The following CTNNA2 variants were observed in gnomAD, a reference collection of about 807,000 sequenced individuals.
The protein encoded by CTNNA2 is catenin alpha 2.
CTNNA2 carries 42 observed loss-of-function variants against 101.0 expected under a neutral mutation model. That is an observed-to-expected ratio of 0.42 (90% confidence interval 0.32 to 0.54). The LOEUF (loss-of-function observed/expected upper bound fraction) is 0.54. Among genes scored for constraint, CTNNA2 ranks in the 20% least tolerant of loss-of-function variants. CTNNA2 has a pLI of 0.14. For synonymous variants in CTNNA2, 450 were observed against 456.4 expected (o/e 0.99, Z 0.18); for missense variants, 871 against 1,223.1 (o/e 0.71, Z 4.29).
intron 3 of CTNNA2, among the ~76,000 whole-genome samples, chr2:79,788,922 A>C (rs747453203): frequency 3.9e-5 from 6 of 152,212 alleles, no homozygotes; most frequent in Non-Finnish European, 5.9e-5. Flanking sequence ...CGAAATCATG[A>C]AGTTGTTTCT....
At chr2:80,473,176 G>A (rs904477337) in intron 9 of CTNNA2, among the ~76,000 whole-genome samples, 1 of 152,288 alleles carries the variant, frequency 6.6e-6, no homozygotes, top group Admixed American at 6.5e-5. Context: ...GTGTGGACTG[G>A]TGATAATGAC....
intron 2 of CTNNA2, among the ~76,000 whole-genome samples, chr2:79,698,291 C>G (rs1237310009): frequency 6.6e-6 from 1 of 151,886 alleles, no homozygotes; most frequent in East Asian, 1.9e-4. Flanking sequence ...GTTCATGTCT[C>G]CACAACTAAT....
intron 17 of CTNNA2, among the ~76,000 whole-genome samples, chr2:80,617,332 T>C (rs1414431285): frequency 6.6e-6 from 1 of 151,666 alleles, no homozygotes; most frequent in African/African-American, 2.4e-5. Context: ...AACTAGTCAA[T>C]GATCCAATAT....
At chr2:79,867,102 C>A (rs182356498) in intron 4 of CTNNA2, among the ~76,000 whole-genome samples, 56 of 152,222 alleles carry the variant, frequency 3.7e-4, no homozygotes, top group African/African-American at 1.3e-3. Context: ...TTGTTCAACT[C>A]GCAGTCCTGA....
intron 7 of CTNNA2, among the ~76,000 whole-genome samples, chr2:79,965,958 A>G (rs980037237): frequency 6.6e-6 from 1 of 152,026 alleles, no homozygotes; most frequent in Non-Finnish European, 1.5e-5. Context: ...AAAATAAAAT[A>G]ATTACTGGTG....
At chr2:79,704,912 AG>A (rs1296555058) in intron 2 of CTNNA2, among the ~76,000 whole-genome samples, 1 of 152,122 alleles carries the variant, frequency 6.6e-6, no homozygotes, top group Non-Finnish European at 1.5e-5. Context: ...ATATTTCTTT[AG>A]GAAAAAGTAT....
At chr2:80,627,254 A>C (rs1262850353) in intron 18 of CTNNA2, among the ~76,000 whole-genome samples, 2 of 152,132 alleles carry the variant, frequency 1.3e-5, no homozygotes, top group Non-Finnish European at 2.9e-5. Flanking sequence ...GCTAGGTCAA[A>C]TGGTATTTCT....
At chr2:80,200,300 A>C (rs1707120419) in intron 7 of CTNNA2, among the ~76,000 whole-genome samples, 1 of 152,150 alleles carries the variant, frequency 6.6e-6, no homozygotes, top group South Asian at 2.1e-4. Flanking sequence ...GCTTTAGACG[A>C]CTAGCTTAAA....
intron 4 of CTNNA2, among the ~76,000 whole-genome samples, chr2:79,465,244 C>T (rs1429160435): frequency 6.6e-6 from 1 of 152,100 alleles, no homozygotes; most frequent in Non-Finnish European, 1.5e-5. Context: ...ATAGGGAATC[C>T]TTTCTCCATT....
intron 2 of CTNNA2, among the ~76,000 whole-genome samples, chr2:79,295,898 TGTG>T (rs1254834534): frequency 6.6e-6 from 1 of 151,346 alleles, no homozygotes; most frequent in Non-Finnish European, 1.5e-5. Context: ...TCAACAAAAT[TGTG>T]GGGAAATTTT....
chr2:80,618,120 C>T (rs565234485), intron 17 of CTNNA2, among the ~76,000 whole-genome samples: 1 of 151,872 alleles, frequency 6.6e-6, no homozygotes, highest in South Asian at 2.1e-4. Flanking sequence ...AAAAAAAATA[C>T]TTTAGTGGTC....
intron 3 of CTNNA2, among the ~76,000 whole-genome samples, chr2:79,345,483 C>T (rs538844768): frequency 1.8e-4 from 28 of 152,242 alleles, no homozygotes; most frequent in African/African-American, 6.3e-4. Context: ...AGACAATGAC[C>T]TCTCCTTTAC....
rs115888665 is a variant in CTNNA2 at position 80,132,185 on chromosome 2, A to G, written c.1056+222388A>G. ...TGGAAGTGAAGACGTCTTAGCACGT[A>G]CTGTTAGCTAGAGCACTTTGGAGGA... On this transcript the variant is annotated intron_variant, in intron 7 of 18. Transcript: ENST00000402739. Among the ~76,000 whole-genome samples, 413 of 152,272 alleles carry G rather than the reference A, an allele frequency of 2.7e-3. 1 individual carries two copies. The highest frequency in any genetic ancestry group is 9.6e-3 in the African/African-American group (397 of 41,568).
intron 9 of CTNNA2, among the ~76,000 whole-genome samples, chr2:80,537,546 TA>T (rs1055518314): frequency 3.9e-5 from 6 of 152,074 alleles, no homozygotes; most frequent in Non-Finnish European, 7.4e-5. Context: ...ACCAACAGTG[TA>T]AAAGCGTTCC....
intron 3 of CTNNA2, among the ~76,000 whole-genome samples, chr2:79,323,111 T>A (rs1676661888): frequency 1.3e-5 from 2 of 152,132 alleles, no homozygotes; most frequent in African/African-American, 4.8e-5. Flanking sequence ...CCCCAGTATG[T>A]TTAGGCTCTT....
chr2:80,162,583 G>C, intron 7 of CTNNA2: 1 of 1,610,336 alleles, frequency 6.2e-7, no homozygotes. Flanking sequence ...TCAGACCCAT[G>C]ATCAGTGTAA....
At chr2:79,893,526 C>G (rs1052333931) in intron 6 of CTNNA2, among the ~76,000 whole-genome samples, 1 of 152,140 alleles carries the variant, frequency 6.6e-6, no homozygotes, top group African/African-American at 2.4e-5. Flanking sequence ...TTAATTTGGG[C>G]TCCCCAATTT....
At chr2:79,475,212 A>G (rs975623198) in intron 4 of CTNNA2, among the ~76,000 whole-genome samples, 34 of 150,784 alleles carry the variant, frequency 2.3e-4, no homozygotes, top group African/African-American at 8.0e-4. Flanking sequence ...ACTCTGTGGC[A>G]TACAGTATGG....
At chr2:79,597,190 C>A (rs967553816) in intron 1 of CTNNA2, among the ~76,000 whole-genome samples, 4 of 152,224 alleles carry the variant, frequency 2.6e-5, no homozygotes, top group Non-Finnish European at 5.9e-5. Flanking sequence ...TAGCTGCCCC[C>A]GTCCGGGCGC....
Sources: allele counts gnomAD v4.1 joint callset (sites outside exome capture counted in the v4.1 genomes callset), GRCh38; gene constraint gnomAD v4.1.1; transcripts MANE v1.5; gene names NCBI Gene and HGNC (gene_info 2026-07-23, HGNC 2026-07-21).